Variants in ADARB1 observed in about 807,000 individuals in gnomAD.
The protein encoded by ADARB1 is adenosine deaminase RNA specific B1, also known as double-stranded RNA-specific editase 1.
A neutral mutation model predicts 52.4 loss-of-function variants in ADARB1; 10 were observed. The observed-to-expected ratio is 0.19, with a 90% CI of 0.12 to 0.32. The LOEUF (loss-of-function observed/expected upper bound fraction) is 0.32, where lower values mean the gene tolerates loss of function less well. ADARB1 is among the 10% of genes least tolerant of loss of function. ADARB1 has a pLI of 1.00. For synonymous variants in ADARB1, 349 were observed against 371.1 expected, an observed-to-expected ratio of 0.94 and a Z score of 0.68; for missense variants, 643 against 922.3, an observed-to-expected ratio of 0.70 and a Z score of 3.92.
intron 1 of ADARB1, among the ~76,000 whole-genome samples, chr21:45,127,293 T>TG (rs1163341072): frequency 6.6e-6 from 1 of 152,050 alleles, no homozygotes; most frequent in Non-Finnish European, 1.5e-5. Flanking sequence ...GAATCTGGTG[T>TG]GGGGATGATG....
At chr21:45,103,029 A>G (rs1429808846) in intron 1 of ADARB1, among the ~76,000 whole-genome samples, 1 of 152,180 alleles carries the variant, frequency 6.6e-6, no homozygotes, top group African/African-American at 2.4e-5. Flanking sequence ...CCCCAAACTC[A>G]GTCCCTTCCT....
chr21:45,137,074 C>A (rs2089428718), intron 2 of ADARB1: 1 of 152,192 alleles, frequency 6.6e-6, no homozygotes, highest in Non-Finnish European at 1.5e-5. Flanking sequence ...TGGTAATTTT[C>A]TTTTAGCTTT....
intron 8 of ADARB1, among the ~76,000 whole-genome samples, chr21:45,191,151 T>G (rs2146262616): frequency 6.6e-6 from 1 of 152,324 alleles, no homozygotes; most frequent in Non-Finnish European, 1.5e-5. Flanking sequence ...CAAACACCAT[T>G]GATTTTTTAA....
chr21:45,202,648 T>C (rs1423805956), intron 8 of ADARB1, among the ~76,000 whole-genome samples: 1 of 152,230 alleles, frequency 6.6e-6, no homozygotes, highest in Non-Finnish European at 1.5e-5. Flanking sequence ...GTTTCTCATC[T>C]GCCCTGGCCT....
intron 2 of ADARB1, among the ~76,000 whole-genome samples, chr21:45,137,606 G>A (rs564315830): frequency 2.4e-4 from 37 of 152,338 alleles, no homozygotes; most frequent in East Asian, 7.7e-4. Flanking sequence ...GGATGTCTGC[G>A]TTCAGTGATG....
At chr21:45,102,515 A>C (rs2123737828) in intron 1 of ADARB1, among the ~76,000 whole-genome samples, 1 of 152,348 alleles carries the variant, frequency 6.6e-6, no homozygotes, top group Admixed American at 6.5e-5. Context: ...ACTGGGCAGG[A>C]AATAACACAA....
At chr21:45,159,658 A>G (rs543081546) in intron 2 of ADARB1, among the ~76,000 whole-genome samples, 58 of 152,266 alleles carry the variant, frequency 3.8e-4, no homozygotes, top group South Asian at 8.3e-4. Context: ...CTGGTGTCCA[A>G]TGGGAGGCGA....
chr21:45,135,077 G>A (rs946118631), intron 2 of ADARB1, among the ~76,000 whole-genome samples: 4 of 152,226 alleles, frequency 2.6e-5, no homozygotes, highest in African/African-American at 9.6e-5. Context: ...CTGCAACAGA[G>A]ACCATAAGTG....
intron 1 of ADARB1, among the ~76,000 whole-genome samples, chr21:45,096,934 T>A (rs2086789120): frequency 6.6e-6 from 1 of 152,016 alleles, no homozygotes; most frequent in Admixed American, 6.5e-5. Context: ...AGAGACGGGG[T>A]TTCACCGTGT....
intron 2 of ADARB1, chr21:45,144,663 G>C (rs1319367456): frequency 2.2e-6 from 1 of 454,348 alleles, no homozygotes; most frequent in African/African-American, 2.0e-5. Context: ...AAAAGGAAGA[G>C]AACCATAGCT....
At chr21:45,203,301 G>GCTAAGCTTCAGGGT (rs2092600546) in intron 8 of ADARB1, among the ~76,000 whole-genome samples, 1 of 152,208 alleles carries the variant, frequency 6.6e-6, no homozygotes, top group East Asian at 1.9e-4. Context: ...CTCCTTTGGG[G>GCTAAGCTTCAGGGT]CTAAGCTTCA....
chr21:45,081,291 C>A (rs1395893557), intron 1 of ADARB1, among the ~76,000 whole-genome samples: 1 of 152,112 alleles, frequency 6.6e-6, no homozygotes, highest in Admixed American at 6.6e-5. Flanking sequence ...AGGCAGACAC[C>A]GTGCCTCACA....
At chr21:45,083,576 A>G (rs1176590649) in intron 1 of ADARB1, among the ~76,000 whole-genome samples, 1 of 152,244 alleles carries the variant, frequency 6.6e-6, no homozygotes, top group Non-Finnish European at 1.5e-5. Context: ...TAATACTTAT[A>G]ACTACATCTT....
intron 1 of ADARB1, among the ~76,000 whole-genome samples, chr21:45,105,862 G>C (rs2087229210): frequency 6.6e-6 from 1 of 152,222 alleles, no homozygotes; most frequent in South Asian, 2.1e-4. Flanking sequence ...TTATGCTTAT[G>C]AACTTGTTGA....
intron 5 of ADARB1, among the ~76,000 whole-genome samples, chr21:45,180,767 G>T (rs989700326): frequency 6.6e-6 from 1 of 152,200 alleles, no homozygotes; most frequent in African/African-American, 2.4e-5. Flanking sequence ...TTATTTGAAA[G>T]TAGAGCCTAT....
intron 9 of ADARB1, among the ~76,000 whole-genome samples, chr21:45,219,858 A>T (rs908420081): frequency 2.6e-5 from 4 of 152,122 alleles, no homozygotes; most frequent in Admixed American, 6.5e-5. Context: ...ATAAGCAGAT[A>T]TTACCATCCT....
At position 45,172,606 on chromosome 21, in the gene ADARB1, A is replaced by ATGGTATTGATTTCTGCG. The variant is rs1414670309; in HGVS notation, c.28+931_28+947dup. Among the ~76,000 whole-genome samples the ATGGTATTGATTTCTGCG allele has an allele frequency of 8.5e-5, 13 of 152,108 alleles. No individual in the cohort carries two copies. The highest frequency in any genetic ancestry group is 1.6e-4 in the Non-Finnish European group (11 of 68,014). ...ATTTCTGCATGGTATTGATTTCTGCATGGTATTGATTTCTGCGTGGTATTG... is the reference window on the plus strand; with the variant it reads ...ATTTCTGCATGGTATTGATTTCTGCATGGTATTGATTTCTGCGTGGTATTGATTTCTGCGTGGTATTG... On this transcript the variant is annotated intron_variant, in intron 3 of 10. Coordinates refer to ENST00000348831, the MANE Select transcript of ADARB1 (RefSeq NM_001112.4). The surrounding 1 kb of genome is among the most constrained non-coding windows in gnomAD (Gnocchi z 4.4).
rs908336685 is a variant in ADARB1, at chr21:45,142,906, C to G, written c.-48+14333C>G. 6.6e-5 allele frequency among the ~76,000 whole-genome samples: 10 copies of G among 152,170 alleles called. No individual in the cohort carries two copies. Among genetic ancestry groups the G allele is most frequent in the Admixed American group, 2.0e-4 (3 of 15,282 alleles). ...GCTAGTGACTCTGTGCTGGTTACTA[C>G]TTTACCAACACCATGGCCATGCTGC... On this transcript the variant is annotated intron_variant, in intron 2 of 10. Coordinates refer to ENST00000348831, the MANE Select transcript of ADARB1 (RefSeq NM_001112.4). This position sits in a 1 kb window ranked among gnomAD's most constrained non-coding sequence, Gnocchi z 4.0.
At chr21:45,213,821 C>T (rs2092813834) in intron 9 of ADARB1, among the ~76,000 whole-genome samples, 2 of 152,150 alleles carry the variant, frequency 1.3e-5, no homozygotes, top group African/African-American at 4.8e-5. Flanking sequence ...TAGGTTGTCT[C>T]CAGTCTTTTA....
Sources: gnomAD v4.1 joint callset for allele counts (sites outside exome capture counted in the v4.1 genomes callset) on GRCh38, gnomAD v4.1.1 for gene constraint, Gnocchi (gnomAD v3.1) non-coding constraint, MANE v1.5 for transcripts, NCBI Gene and HGNC (gene_info 2026-07-23, HGNC 2026-07-21) for gene names.